The following EPHA6 variants were observed in gnomAD, a reference collection of about 807,000 sequenced individuals.
EPHA6 encodes ephrin type-A receptor 6.
In EPHA6, 50 loss-of-function variants were observed where a neutral mutation model predicts 112.0. That is an observed-to-expected ratio of 0.45 (90% CI 0.36 to 0.56). The LOEUF is 0.56. Among genes scored for constraint, EPHA6 ranks in the 20% least tolerant of loss-of-function variants. The pLI is 0.00. For synonymous variants in EPHA6, 529 were observed against 490.7 expected (o/e 1.08, Z -1.03); for missense variants, 1,280 against 1,417.4 (o/e 0.90, Z 1.56).
intron 2 of EPHA6, among the ~76,000 whole-genome samples, chr3:96,907,524 T>G (rs1308968509): frequency 6.6e-6 from 1 of 151,808 alleles, no homozygotes; most frequent in Non-Finnish European, 1.5e-5. Flanking sequence ...ATTGCCTTAG[T>G]TTTATTTACA....
intron 3 of EPHA6, among the ~76,000 whole-genome samples, chr3:97,223,660 C>A (rs2078268621): frequency 6.6e-6 from 1 of 152,090 alleles, no homozygotes; most frequent in Non-Finnish European, 1.5e-5. Context: ...TAAGTCCAGT[C>A]ATAATACAGT....
chr3:97,093,939 G>C (rs1315273544), intron 3 of EPHA6, among the ~76,000 whole-genome samples: 1 of 152,012 alleles, frequency 6.6e-6, no homozygotes, highest in Admixed American at 6.6e-5. Flanking sequence ...ATTGAAAATG[G>C]CTCTTTTGGG....
chr3:97,342,843 C>T (rs2083377591), intron 5 of EPHA6, among the ~76,000 whole-genome samples: 1 of 152,116 alleles, frequency 6.6e-6, no homozygotes, highest in Non-Finnish European at 1.5e-5. Context: ...CATACAGCCT[C>T]CAGAACTGTG....
intron 5 of EPHA6, among the ~76,000 whole-genome samples, chr3:97,244,858 T>C (rs944294200): frequency 1.3e-5 from 2 of 152,020 alleles, no homozygotes; most frequent in Non-Finnish European, 2.9e-5. Context: ...AGCTAAATGT[T>C]CTCTTTATAA....
At chr3:96,844,385 A>G (rs914268557) in intron 1 of EPHA6, among the ~76,000 whole-genome samples, 1 of 152,032 alleles carries the variant, frequency 6.6e-6, no homozygotes, top group African/African-American at 2.4e-5. Context: ...AATGTATGTC[A>G]TGCATTCTTT....
At chr3:97,187,745 G>GAAAGAAAGAAAGAAAGAA (rs1418770206) in intron 3 of EPHA6, among the ~76,000 whole-genome samples, 1 of 138,310 alleles carries the variant, frequency 7.2e-6, no homozygotes, top group African/African-American at 2.7e-5. Context: ...AAGAAAGAAA[G>GAAAGAAAGAAAGAAAGAA]AGGAAAGAAA....
intron 4 of EPHA6, among the ~76,000 whole-genome samples, chr3:97,228,832 C>T (rs2108549883): frequency 6.6e-6 from 1 of 152,228 alleles, no homozygotes; most frequent in East Asian, 1.9e-4. Context: ...GGTTTACATT[C>T]CCACCAGCAG....
rs530899020 is a variant in EPHA6, at chr3:97,598,264, GT to G, written c.2512+5537del. On this transcript the variant is annotated intron_variant, in intron 12 of 17. Transcript: ENST00000389672. Reference sequence around the variant, plus strand: ...TCCATCTTTCAGGTCATTTAGTTAAGTTTTTTTTTTATTATTATACTTTAAG... The same window carrying G: ...TCCATCTTTCAGGTCATTTAGTTAAGTTTTTTTTTATTATTATACTTTAAG... Among the ~76,000 whole-genome samples, 1,270 of 146,912 alleles carry G rather than the reference GT, an allele frequency of 8.6e-3. 19 individuals carry two copies. The highest frequency in any genetic ancestry group is 0.03 in the African/African-American group (1,190 of 40,168).
At chr3:97,723,872 C>A (rs2034638335) in intron 15 of EPHA6, among the ~76,000 whole-genome samples, 2 of 152,148 alleles carry the variant, frequency 1.3e-5, no homozygotes, top group Non-Finnish European at 2.9e-5. Context: ...TGTGACAGAT[C>A]CTATAACCAG....
chr3:97,086,854 A>G (rs1184832834), intron 3 of EPHA6, among the ~76,000 whole-genome samples: 1 of 151,962 alleles, frequency 6.6e-6, no homozygotes. Context: ...TATAATTTAT[A>G]GATTTTTTAA....
chr3:97,307,966 T>C (rs1367424279), intron 5 of EPHA6, among the ~76,000 whole-genome samples: 2 of 151,768 alleles, frequency 1.3e-5, no homozygotes, highest in Non-Finnish European at 2.9e-5. Context: ...TAGTCTCTTC[T>C]TCTCTCCCAT....
chr3:97,211,315 A>G (rs2077867918), intron 3 of EPHA6, among the ~76,000 whole-genome samples: 1 of 152,296 alleles, frequency 6.6e-6, no homozygotes, highest in South Asian at 2.1e-4. Flanking sequence ...CACCCTTCTG[A>G]TCATTTTATA....
chr3:96,909,030 T>C (rs533874561), intron 2 of EPHA6, among the ~76,000 whole-genome samples: 1 of 152,080 alleles, frequency 6.6e-6, no homozygotes, highest in South Asian at 2.1e-4. Context: ...GTGAGAAATA[T>C]AATCTTTAGG....
chr3:97,533,964 A>G (rs1252124343), intron 11 of EPHA6, among the ~76,000 whole-genome samples: 5 of 152,114 alleles, frequency 3.3e-5, no homozygotes, highest in Admixed American at 6.6e-5. Context: ...CCTCCATCCC[A>G]TCAACCCATA....
intron 3 of EPHA6, among the ~76,000 whole-genome samples, chr3:97,163,242 G>T (rs183373328): frequency 9.2e-5 from 14 of 152,104 alleles, no homozygotes; most frequent in African/African-American, 3.1e-4. Context: ...ATCATCTTCT[G>T]TCCATTAAAC....
intron 3 of EPHA6, among the ~76,000 whole-genome samples, chr3:97,059,110 T>C (rs1183444475): frequency 1.3e-5 from 2 of 152,106 alleles, no homozygotes; most frequent in Non-Finnish European, 2.9e-5. Context: ...AGCTGGAGAA[T>C]AAGAAAACTA....
intron 14 of EPHA6, among the ~76,000 whole-genome samples, chr3:97,673,307 G>A (rs1229248243): frequency 6.6e-6 from 1 of 152,184 alleles, no homozygotes. Flanking sequence ...AAAGGAAGAA[G>A]CAGAGGCAAC....
At chr3:97,226,240 A>G (rs532357888) in intron 3 of EPHA6, 24 bp from the exon 4 acceptor site, 39 of 1,576,958 alleles carry the variant, frequency 2.5e-5, no homozygotes, top group Non-Finnish European at 3.2e-5. Context: ...ATAACTAAAA[A>G]AGTGTTTTTT....
chr3:96,885,165 G>A (rs1576235100), intron 2 of EPHA6, among the ~76,000 whole-genome samples: 1 of 152,098 alleles, frequency 6.6e-6, no homozygotes, highest in South Asian at 2.1e-4. Context: ...TGTTCATCAA[G>A]GATATCGGTC....
Sources: allele counts gnomAD v4.1 joint callset (sites outside exome capture counted in the v4.1 genomes callset), GRCh38; gene constraint gnomAD v4.1.1; transcripts MANE v1.5; gene names NCBI Gene and HGNC (gene_info 2026-07-23, HGNC 2026-07-21).